Variants in WDR72 observed in about 807,000 individuals in gnomAD.
WDR72 encodes WD repeat-containing protein 72.
A neutral mutation model predicts 124.2 loss-of-function variants in WDR72; 120 were observed. The observed-to-expected ratio is 0.97, with a 90% CI of 0.83 to 1.12. The LOEUF (loss-of-function observed/expected upper bound fraction) is 1.12, where lower values mean the gene tolerates loss of function less well. Among genes scored for constraint, WDR72 ranks in the 50% most tolerant of loss-of-function variants. The pLI, the probability that WDR72 is intolerant of heterozygous loss-of-function variation, is 0.00. For synonymous variants in WDR72, 452 were observed against 441.7 expected (o/e 1.02, Z -0.29); for missense variants, 1,387 against 1,278.8 (o/e 1.08, Z -1.29).
intron 18 of WDR72, among the ~76,000 whole-genome samples, chr15:53,561,967 CT>C (rs1566961230): frequency 6.6e-6 from 1 of 151,708 alleles, no homozygotes; most frequent in East Asian, 1.9e-4. Context: ...TAACATGAAT[CT>C]TTTTAGGTAA....
intron 18 of WDR72, among the ~76,000 whole-genome samples, chr15:53,535,578 C>G (rs112078944): frequency 1.3e-5 from 2 of 152,278 alleles, no homozygotes; most frequent in African/African-American, 4.8e-5. Flanking sequence ...CAAATGGCAG[C>G]TGAACCTGGG....
chr15:53,695,782 A>C (rs1324934917), intron 13 of WDR72, among the ~76,000 whole-genome samples: 1 of 152,216 alleles, frequency 6.6e-6, no homozygotes, highest in African/African-American at 2.4e-5. Flanking sequence ...TCCAAGATAA[A>C]ATAGGCACAG....
chr15:53,549,879 C>T (rs1167252213), intron 18 of WDR72, among the ~76,000 whole-genome samples: 1 of 152,152 alleles, frequency 6.6e-6, no homozygotes, highest in Non-Finnish European at 1.5e-5. Flanking sequence ...GGTGCCTAAA[C>T]CGAAGGCCCC....
At chr15:53,681,343 C>T (rs1369264643) in intron 13 of WDR72, among the ~76,000 whole-genome samples, 2 of 152,156 alleles carry the variant, frequency 1.3e-5, no homozygotes, top group Non-Finnish European at 2.9e-5. Context: ...GTGAAACCCA[C>T]TAACGTTCCA....
intron 18 of WDR72, among the ~76,000 whole-genome samples, chr15:53,541,304 G>GCAGA (rs1043348876): frequency 6.6e-6 from 1 of 152,168 alleles, no homozygotes; most frequent in African/African-American, 2.4e-5. Flanking sequence ...CTGAGAACGG[G>GCAGA]CAGACTGCCT....
In WDR72 at chr15:53,705,962, T is replaced by A; in HGVS notation, c.1067A>T (p.Asp356Val). 1 of 1,614,110 alleles carries A rather than the reference T, an allele frequency of 6.2e-7. No individual in the cohort carries two copies. ...SGRITLWHIP[D>V]VPVSKFDGSP... Reference sequence around the variant, plus strand: ...ACCATCAAACTTGGATACAGGAACATCAGGGATGTGCCACAAAGTAATTCT... The same window carrying A: ...ACCATCAAACTTGGATACAGGAACAACAGGGATGTGCCACAAAGTAATTCT... Residue 356 changes from aspartate to valine, a missense_variant, in exon 10 of 20, where the codon GAT (aspartate) becomes GTT (valine). Physicochemically the swap from Asp to Val is radical, Grantham distance 152. Coordinates refer to ENST00000360509, the MANE Select transcript of WDR72 (RefSeq NM_182758.4).
At chr15:53,726,540 T>C (rs1445198381) in intron 2 of WDR72, among the ~76,000 whole-genome samples, 1 of 152,236 alleles carries the variant, frequency 6.6e-6, no homozygotes, top group East Asian at 1.9e-4. Flanking sequence ...AACTAAATGA[T>C]TTTTTAAAAT....
At chr15:53,527,877 A>AGGT (rs1892213771) in intron 18 of WDR72, among the ~76,000 whole-genome samples, 1 of 151,954 alleles carries the variant, frequency 6.6e-6, no homozygotes, top group Non-Finnish European at 1.5e-5. Flanking sequence ...TTACTAGCTC[A>AGGT]ATATGGTAGC....
intron 18 of WDR72, among the ~76,000 whole-genome samples, chr15:53,540,200 T>C (rs1016634720): frequency 2.0e-5 from 3 of 152,274 alleles, no homozygotes; most frequent in African/African-American, 7.2e-5. Flanking sequence ...ATAAGACACA[T>C]AATGGGGACG....
At chr15:53,593,397 G>C (rs2012605507) in intron 18 of WDR72, among the ~76,000 whole-genome samples, 3 of 151,998 alleles carry the variant, frequency 2.0e-5, no homozygotes, top group African/African-American at 7.3e-5. Flanking sequence ...TAGTAATTTT[G>C]TGTCTGTAGG....
At chr15:53,533,398 T>G (rs949975846) in intron 18 of WDR72, among the ~76,000 whole-genome samples, 1 of 151,880 alleles carries the variant, frequency 6.6e-6, no homozygotes, top group Non-Finnish European at 1.5e-5. Flanking sequence ...ACCCTCCTTC[T>G]GTTTGACATT....
At chr15:53,741,767 T>G (rs185145044) in intron 1 of WDR72, among the ~76,000 whole-genome samples, 436 of 151,908 alleles carry the variant, frequency 2.9e-3, no homozygotes, top group Admixed American at 6.0e-3. Context: ...TCTTGCTCTG[T>G]CACTCACGCT....
intron 2 of WDR72, among the ~76,000 whole-genome samples, chr15:53,726,285 T>TATATATATATATATATAC (rs1228132828): frequency 8.7e-5 from 10 of 115,442 alleles, no homozygotes; most frequent in African/African-American, 3.4e-4. Flanking sequence ...TATATATATA[T>TATATATATATATATATAC]ACACACACAC....
intron 14 of WDR72, among the ~76,000 whole-genome samples, chr15:53,648,210 G>A (rs74015847): frequency 0.013 from 2,035 of 152,192 alleles, 49 homozygotes; most frequent in African/African-American, 0.047. Flanking sequence ...CAAATTTTAC[G>A]TAGCAGGAAA....
In WDR72 at chr15:53,751,661, CAAATCTTATACATTTGCTGGT is replaced by C. The variant is rs545821398; in HGVS notation, c.-13+7951_-13+7971del. ...GTCTGTAACGCCTAAGTTTAAATCA[CAAATCTTATACATTTGCTGGT>C]TTTGTGACCCAATGAGCTTATTTTG... is the stretch of plus-strand genomic sequence containing the variant. On this transcript the variant is annotated intron_variant, in intron 1 of 19. Transcript: ENST00000360509. 4.9e-4 allele frequency among the ~76,000 whole-genome samples: 74 copies of C among 152,194 alleles called. 1 individual carries two copies. The highest frequency in any genetic ancestry group is 1.7e-3 in the African/African-American group (69 of 41,522).
chr15:53,758,781 G>A (rs997633976), intron 1 of WDR72, among the ~76,000 whole-genome samples: 1 of 108,588 alleles, frequency 9.2e-6, no homozygotes, highest in Non-Finnish European at 2.0e-5. Flanking sequence ...GGGGGGGGGG[G>A]GCGGTGCGGG....
chr15:53,708,495 T>C (rs1193275378), intron 9 of WDR72, among the ~76,000 whole-genome samples: 3 of 152,182 alleles, frequency 2.0e-5, no homozygotes, highest in Non-Finnish European at 4.4e-5. Context: ...GGTAATTCTT[T>C]TCTCAGAACA....
rs780706833 is a variant in WDR72 at position 53,733,112 on chromosome 15, T to C, written c.38A>G (p.Gln13Arg). Reference protein sequence around the residue: ...TSLQAVALWGQKAPPHSITAI... With the variant: ...TSLQAVALWGRKAPPHSITAI... ...AGTGATGCTGTGGGGAGGGGCCTTC[T>C]GTCCCCAGAGTGCCACTGCCTGCAG... The change falls in exon 2 of 20, where the codon CAG becomes CGG. Residue 13 changes from glutamine (Q) to arginine (R), a missense_variant. Physicochemically the swap from Gln to Arg is conservative, Grantham distance 43 (BLOSUM62 1). Transcript: ENST00000360509. The C allele has an allele frequency of 6.2e-7, 1 of 1,614,070 alleles. No individual in the cohort carries two copies. Among genetic ancestry groups the C allele is most frequent in the Non-Finnish European group, 8.5e-7 (1 of 1,179,956 alleles).
intron 2 of WDR72, among the ~76,000 whole-genome samples, chr15:53,723,803 A>G (rs1022372291): frequency 2.0e-5 from 3 of 152,212 alleles, no homozygotes; most frequent in Admixed American, 6.5e-5. Flanking sequence ...TTGCTTTTAT[A>G]CTATATTTTT....
Sources: allele counts gnomAD v4.1 joint callset (sites outside exome capture counted in the v4.1 genomes callset), GRCh38; gene constraint gnomAD v4.1.1; transcripts MANE v1.5; gene names NCBI Gene and HGNC (gene_info 2026-07-23, HGNC 2026-07-21).